Variants in ILRUN observed in about 807,000 individuals in gnomAD.
ILRUN encodes the protein protein ILRUN.
A neutral mutation model predicts 33.8 loss-of-function variants in ILRUN; 3 were observed. That is an observed-to-expected ratio of 0.09 (90% CI 0.04 to 0.23). The LOEUF is 0.23. Among genes scored for constraint, ILRUN ranks in the 10% least tolerant of loss-of-function variants. The pLI, the probability that ILRUN is intolerant of heterozygous loss-of-function variation, is 1.00. For missense variants in ILRUN, 210 were observed against 375.1 expected (o/e 0.56, Z 3.64); for synonymous variants, 124 against 138.9 (o/e 0.89, Z 0.75).
At chr6:34,641,637 TA>T (rs1762477513) in intron 3 of ILRUN, among the ~76,000 whole-genome samples, 1 of 152,098 alleles carries the variant, frequency 6.6e-6, no homozygotes, top group South Asian at 2.1e-4. Context: ...TTCCATAGCT[TA>T]ACAAAAATGC....
chr6:34,687,831 T>C (rs1314451884), intron 1 of ILRUN, among the ~76,000 whole-genome samples: 3 of 151,476 alleles, frequency 2.0e-5, no homozygotes, highest in Non-Finnish European at 2.9e-5. Context: ...TACACCGCGG[T>C]TGGGAATGTA....
intron 3 of ILRUN, among the ~76,000 whole-genome samples, chr6:34,614,507 A>G (rs894863132): frequency 6.8e-6 from 1 of 146,206 alleles, no homozygotes; most frequent in South Asian, 2.1e-4. Context: ...TATATTTTAT[A>G]TATATATATA....
chr6:34,618,905 C>G (rs1761953226), intron 3 of ILRUN, among the ~76,000 whole-genome samples: 1 of 152,148 alleles, frequency 6.6e-6, no homozygotes, highest in South Asian at 2.1e-4. Flanking sequence ...TAAAGGAAAA[C>G]CGGGAGTCTA....
At chr6:34,681,151 G>T (rs1229244628) in intron 1 of ILRUN, among the ~76,000 whole-genome samples, 1 of 152,020 alleles carries the variant, frequency 6.6e-6, no homozygotes, top group East Asian at 1.9e-4. Context: ...ATCATTAGAA[G>T]GTGGTTGCTT....
chr6:34,696,259 T>G (rs1763770223), intron 1 of ILRUN, 187 bp downstream of exon 1: 1 of 610,502 alleles, frequency 1.6e-6, no homozygotes, highest in South Asian at 2.1e-5. Context: ...TAACTCTCCT[T>G]TAGCCCTGCT....
intron 3 of ILRUN, among the ~76,000 whole-genome samples, chr6:34,612,282 T>C (rs912015765): frequency 4.6e-5 from 7 of 152,084 alleles, no homozygotes; most frequent in African/African-American, 1.7e-4. Context: ...AATACAAAAA[T>C]TAGCCAGGCA....
chr6:34,652,052 A>G (rs1762682308), intron 2 of ILRUN, among the ~76,000 whole-genome samples: 1 of 152,158 alleles, frequency 6.6e-6, no homozygotes, highest in Non-Finnish European at 1.5e-5. Flanking sequence ...TTGGCCTCCC[A>G]AAGTGCTGGG....
intron 4 of ILRUN, among the ~76,000 whole-genome samples, chr6:34,604,790 C>G (rs1761589452): frequency 6.6e-6 from 1 of 152,240 alleles, no homozygotes; most frequent in South Asian, 2.1e-4. Flanking sequence ...ACAATTAACA[C>G]TAATCCACAA....
At chr6:34,626,472 C>T (rs1159578599) in intron 3 of ILRUN, among the ~76,000 whole-genome samples, 2 of 152,140 alleles carry the variant, frequency 1.3e-5, no homozygotes, top group South Asian at 2.1e-4. Context: ...CCGCTTTGCC[C>T]GATCGTATTT....
At chr6:34,680,860 A>G (rs1345687985) in intron 1 of ILRUN, among the ~76,000 whole-genome samples, 8 of 151,962 alleles carry the variant, frequency 5.3e-5, no homozygotes, top group Admixed American at 3.3e-4. Flanking sequence ...TAGAACAGGA[A>G]AGAAAGAAAA....
chr6:34,682,039 T>TTTTTTTTTTA (rs1371036341), intron 1 of ILRUN, among the ~76,000 whole-genome samples: 13 of 104,890 alleles, frequency 1.2e-4, no homozygotes, highest in Non-Finnish European at 2.0e-4. Flanking sequence ...TTTATTTTTT[T>TTTTTTTTTTA]ACTTTTTTTT....
chr6:34,627,864 C>T (rs1489741881), intron 3 of ILRUN, among the ~76,000 whole-genome samples: 3 of 151,892 alleles, frequency 2.0e-5, no homozygotes, highest in South Asian at 2.1e-4. Context: ...CCACCATACC[C>T]GGCTAATTTT....
chr6:34,613,205 C>A lies in ILRUN; in HGVS notation c.512-6301G>T, dbSNP rs7752750. Among the ~76,000 whole-genome samples, 830 of 144,796 alleles carry A rather than the reference C, an allele frequency of 5.7e-3. 4 individuals are homozygous for A. Among genetic ancestry groups the A allele is most frequent in the African/African-American group, 0.018 (646 of 36,782 alleles). 95.0% of individuals were successfully genotyped at this position (144,796 alleles called of 152,430 possible). On this transcript the variant is annotated intron_variant, in intron 3 of 4. Transcript: ENST00000374023. Reference sequence around the variant, plus strand: ...CTCTGGCCTGGGTGACAGAGTGAGACCCTGTCTCAAAAACAACAACAACAA... The same window carrying A: ...CTCTGGCCTGGGTGACAGAGTGAGAACCTGTCTCAAAAACAACAACAACAA...
chr6:34,612,224 TGGCAACACCAGCCTA>T (rs1033139080), intron 3 of ILRUN, among the ~76,000 whole-genome samples: 4 of 84,630 alleles, frequency 4.7e-5, no homozygotes, highest in African/African-American at 9.1e-5. Flanking sequence ...GACCAGCCTA[TGGCAACACCAGCCTA>T]GGCAACAACG....
In ILRUN at chr6:34,590,396, G is replaced by C. The variant is rs941200000; in HGVS notation, c.*169C>G. 1.2e-6 allele frequency: 1 copy of C among 838,560 alleles called. No individual in the cohort carries two copies. The highest frequency in any genetic ancestry group is 1.7e-5 in the African/African-American group (1 of 58,412). 51.9% of individuals were successfully genotyped at this position (838,560 alleles called of 1,614,324 possible). On this transcript the variant is annotated 3_prime_UTR_variant, in exon 5 of 5. Coordinates refer to ENST00000374023, the MANE Select transcript of ILRUN (RefSeq NM_024294.4). ...TTCAGCATTCACACATGCATACTGAGTTTACTCAAAACTAGTCTGTTCTGC... is the reference window on the plus strand; with the variant it reads ...TTCAGCATTCACACATGCATACTGACTTTACTCAAAACTAGTCTGTTCTGC...
chr6:34,666,232 T>C (rs1763001234), intron 1 of ILRUN, among the ~76,000 whole-genome samples: 1 of 152,208 alleles, frequency 6.6e-6, no homozygotes, highest in African/African-American at 2.4e-5. Flanking sequence ...GTGGACATAT[T>C]TGGCTGCTTT....
chr6:34,690,231 C>T (rs550859370), intron 1 of ILRUN, among the ~76,000 whole-genome samples: 213 of 152,238 alleles, frequency 1.4e-3, no homozygotes, highest in Non-Finnish European at 2.5e-3. Flanking sequence ...GAGGCTGAGG[C>T]AGGCAGATCA....
chr6:34,650,204 T>C (rs555314238), intron 2 of ILRUN, among the ~76,000 whole-genome samples: 62 of 152,272 alleles, frequency 4.1e-4, no homozygotes, highest in African/African-American at 1.4e-3. Context: ...TGTCTACTCA[T>C]ATTTTTAGAG....
intron 3 of ILRUN, among the ~76,000 whole-genome samples, chr6:34,629,811 T>C (rs1762208723): frequency 1.3e-5 from 2 of 152,326 alleles, no homozygotes; most frequent in Admixed American, 6.5e-5. Flanking sequence ...ACGCCTTTTG[T>C]AGTTGTCCCA....
Sources: gnomAD v4.1 joint callset for allele counts (sites outside exome capture counted in the v4.1 genomes callset) on GRCh38, gnomAD v4.1.1 for gene constraint, MANE v1.5 for transcripts, NCBI Gene and HGNC (gene_info 2026-07-23, HGNC 2026-07-21) for gene names.